Variants in SHISA5 observed in about 807,000 individuals in gnomAD.
SHISA5 encodes the protein protein shisa-5.
Under a neutral mutation model 27.5 loss-of-function variants are expected in SHISA5, and 21 were observed. The observed-to-expected ratio is 0.76, with a 90% CI of 0.54 to 1.10. SHISA5 has a LOEUF of 1.10. Ranked by LOEUF, SHISA5 falls within the 50% of genes least tolerant of loss-of-function variation. SHISA5 has a pLI of 0.00. For missense variants in SHISA5, 314 were observed against 336.3 expected, an observed-to-expected ratio of 0.93 and a Z score of 0.52; for synonymous variants, 137 against 142.2, an observed-to-expected ratio of 0.96 and a Z score of 0.26.
At chr3:48,482,692 G>C (rs1446023253) in intron 2 of SHISA5, among the ~76,000 whole-genome samples, 1 of 151,846 alleles carries the variant, frequency 6.6e-6, no homozygotes, top group Non-Finnish European at 1.5e-5. Flanking sequence ...CTGGAGTGCA[G>C]TGGTGCAATC....
Position 48,469,492 on chromosome 3 carries a change from C to G in SHISA5, c.512G>C (p.Gly171Ala), listed in dbSNP as rs2040516158. Residue 171 changes from glycine (G) to alanine (A), a missense_variant, in exon 5 of 6, where the codon GGA becomes GCA. Physicochemically the swap from Gly to Ala is moderately conservative, Grantham distance 60. Coordinates refer to ENST00000296444, the MANE Select transcript of SHISA5 (RefSeq NM_016479.6). The surrounding 1 kb of genome is among the most constrained non-coding windows in gnomAD (Gnocchi z 4.6). ...QPPSVPPSYP[G>A]PSYQGYHTMP... ...GGTGTGGTAGCCCTGGTAGCTTGGT[C>G]CAGGGTAGCTGGGCGGCACACTTGG... The G allele has an allele frequency of 6.2e-7, 1 of 1,613,762 alleles. No homozygotes were observed. Among genetic ancestry groups the G allele is most frequent in the Non-Finnish European group, 8.5e-7 (1 of 1,179,938 alleles).
chr3:48,497,410 C>T (rs2041589034), intron 2 of SHISA5, among the ~76,000 whole-genome samples: 1 of 150,542 alleles, frequency 6.6e-6, no homozygotes, highest in Admixed American at 6.6e-5. Context: ...TTACAGGCAC[C>T]CACCACCATG....
intron 2 of SHISA5, among the ~76,000 whole-genome samples, chr3:48,496,034 C>T (rs1216911235): frequency 6.8e-6 from 1 of 146,188 alleles, no homozygotes; most frequent in Non-Finnish European, 1.5e-5. Flanking sequence ...AGCCTGTAAT[C>T]CCAGCACTTT....
intron 2 of SHISA5, among the ~76,000 whole-genome samples, chr3:48,481,702 G>C (rs534537350): frequency 1.3e-5 from 2 of 151,952 alleles, no homozygotes; most frequent in South Asian, 4.2e-4. Flanking sequence ...CAGGAGAATT[G>C]TTTGAACCTG....
chr3:48,502,336 A>C, intron 1 of SHISA5: 1 of 455,916 alleles, frequency 2.2e-6, no homozygotes, highest in Non-Finnish European at 4.4e-6. Context: ...CAGCGTTCAT[A>C]AAGCACTTAG....
In SHISA5 at chr3:48,468,539, A is replaced by C; in HGVS notation, c.*568T>G. 1.7e-6 allele frequency: 2 copies of C among 1,187,486 alleles called. No individual in the cohort carries two copies. The highest frequency in any genetic ancestry group is 3.2e-5 in the South Asian group (2 of 62,828). 73.6% of individuals were successfully genotyped at this position (1,187,486 alleles called of 1,614,324 possible). ...ATGACAGGCTCCAGGGAGCAATGGGACATCTGCCCAAAGGATCAAAGTCCA... is the reference window on the plus strand; with the variant it reads ...ATGACAGGCTCCAGGGAGCAATGGGCCATCTGCCCAAAGGATCAAAGTCCA... On this transcript the variant is annotated 3_prime_UTR_variant, in exon 6 of 6. Transcript: ENST00000296444.
rs1392460371 is a variant in SHISA5 at position 48,473,416 on chromosome 3, C to A, written c.315-3573G>T. ...TCTAGCTCAGCAGCACCCCCACCCC[C>A]ACTTCCACCTAACCCACCGGCCCTG... On this transcript the variant is annotated intron_variant, in intron 3 of 5. Transcript: ENST00000296444. This position sits in a 1 kb window ranked among gnomAD's most constrained non-coding sequence, Gnocchi z 4.3. The A allele has an allele frequency of 1.5e-6, 2 of 1,310,836 alleles. No homozygotes were observed. Among genetic ancestry groups the A allele is most frequent in the South Asian group, 1.2e-5 (1 of 81,250 alleles). The allele number at this position is 1,310,836 out of a possible 1,614,324, so 81.2% of individuals were successfully genotyped here.
chr3:48,497,960 C>A (rs1344939171), intron 2 of SHISA5, among the ~76,000 whole-genome samples: 1 of 151,366 alleles, frequency 6.6e-6, no homozygotes, highest in Middle Eastern at 3.2e-3. Context: ...GATGTCTCAA[C>A]AGAAACAATG....
intron 2 of SHISA5, among the ~76,000 whole-genome samples, chr3:48,493,219 A>G: frequency 6.8e-6 from 1 of 147,278 alleles, no homozygotes; most frequent in African/African-American, 2.7e-5. Flanking sequence ...ACTTGAGCCC[A>G]GGAGGTCAGG....
intron 2 of SHISA5, among the ~76,000 whole-genome samples, chr3:48,480,251 CA>C (rs1385946958): frequency 6.8e-6 from 1 of 146,778 alleles, no homozygotes; most frequent in African/African-American, 2.5e-5. Context: ...ACAACAACAA[CA>C]AAAAACTCCT....
chr3:48,503,126 C>T (rs1240826290), intron 1 of SHISA5: 19 of 1,289,736 alleles, frequency 1.5e-5, no homozygotes, highest in Non-Finnish European at 1.9e-5. Context: ...ATGGCCCGTG[C>T]CTGGTGGCTC....
In SHISA5 at chr3:48,468,750, A is replaced by C; in HGVS notation, c.*357T>G. 1 of 1,356,016 alleles carries C rather than the reference A, an allele frequency of 7.4e-7. No homozygotes were observed. Among genetic ancestry groups the C allele is most frequent in the Non-Finnish European group, 9.7e-7 (1 of 1,032,418 alleles). The allele number at this position is 1,356,016 out of a possible 1,614,324, so 84.0% of individuals were successfully genotyped here. Reference sequence around the variant, plus strand: ...AGGCCCTACTTGGTCACCCTAGGGTAAGCTGGAGAAGAACTCCAGATGTGC... The same window carrying C: ...AGGCCCTACTTGGTCACCCTAGGGTCAGCTGGAGAAGAACTCCAGATGTGC... On this transcript the variant is annotated 3_prime_UTR_variant, in exon 6 of 6. Transcript: ENST00000296444.
Position 48,473,507 on chromosome 3 carries a change from G to A in SHISA5, c.315-3664C>T. 3 of 1,290,146 alleles carry A rather than the reference G, an allele frequency of 2.3e-6. No individual in the cohort carries two copies. The highest frequency in any genetic ancestry group is 3.0e-6 in the Non-Finnish European group (3 of 989,422). 79.9% of individuals were successfully genotyped at this position (1,290,146 alleles called of 1,614,324 possible). A position where few individuals can be genotyped will look rare whatever the true frequency, so the allele number is the denominator to read the frequency against. ...CCCAGAGGGCGACCCTGGGGCCCTG[G>A]CTGACACACATGCAAGGAGCAAAGT... On this transcript the variant is annotated intron_variant, in intron 3 of 5. Transcript: ENST00000296444. This position sits in a 1 kb window ranked among gnomAD's most constrained non-coding sequence, Gnocchi z 4.3.
At chr3:48,502,190 ACT>A in intron 1 of SHISA5, 4 of 329,308 alleles carry the variant, frequency 1.2e-5, no homozygotes, top group Non-Finnish European at 2.5e-5. Flanking sequence ...ATCCTCGTTC[ACT>A]CTCTCCCTCA....
Position 48,473,205 on chromosome 3 carries a change from G to A in SHISA5, c.315-3362C>T, listed in dbSNP as rs1575305975. Reference sequence around the variant, plus strand: ...CCTCTTAAAGACACAGGATGGCCCCGCCCAGCAGCCGGCTAGCAGCCAAGG... The same window carrying A: ...CCTCTTAAAGACACAGGATGGCCCCACCCAGCAGCCGGCTAGCAGCCAAGG... On this transcript the variant is annotated intron_variant, in intron 3 of 5. Transcript: ENST00000296444. The surrounding 1 kb of genome is among the most constrained non-coding windows in gnomAD (Gnocchi z 4.3). 7.0e-6 allele frequency: 10 copies of A among 1,426,694 alleles called. No individual in the cohort carries two copies. Among genetic ancestry groups the A allele is most frequent in the South Asian group, 4.5e-5 (3 of 67,234 alleles). The allele number at this position is 1,426,694 out of a possible 1,614,324, so 88.4% of individuals were successfully genotyped here.
At position 48,473,069 on chromosome 3, in the gene SHISA5, C is replaced by T. The variant is rs2040698190; in HGVS notation, c.315-3226G>A. 1 of 1,518,834 alleles carries T rather than the reference C, an allele frequency of 6.6e-7. No individual in the cohort carries two copies. The allele number at this position is 1,518,834 out of a possible 1,614,324, so 94.1% of individuals were successfully genotyped here. On this transcript the variant is annotated intron_variant, in intron 3 of 5. Coordinates refer to ENST00000296444, the MANE Select transcript of SHISA5 (RefSeq NM_016479.6). This position sits in a 1 kb window ranked among gnomAD's most constrained non-coding sequence, Gnocchi z 4.3. Reference sequence around the variant, plus strand: ...CTGTACCCCTGGGCTTTCCCCTCTTCCCATCGTGGGCCACTCAGTTTCAAT... The same window carrying T: ...CTGTACCCCTGGGCTTTCCCCTCTTTCCATCGTGGGCCACTCAGTTTCAAT...
At chr3:48,472,048 T>C (rs893252288) in intron 3 of SHISA5, among the ~76,000 whole-genome samples, 2 of 151,444 alleles carry the variant, frequency 1.3e-5, no homozygotes, top group Non-Finnish European at 2.9e-5. Flanking sequence ...CAGGGCGTAG[T>C]GGCGCAAAAC....
intron 2 of SHISA5, among the ~76,000 whole-genome samples, chr3:48,485,854 C>A (rs868665625): frequency 1.3e-5 from 2 of 151,224 alleles, no homozygotes; most frequent in Non-Finnish European, 2.9e-5. Context: ...AGAGGCTGAG[C>A]AGCACTTCTG....
intron 1 of SHISA5, among the ~76,000 whole-genome samples, chr3:48,502,007 C>T (rs1452643617): frequency 6.6e-6 from 1 of 152,108 alleles, no homozygotes; most frequent in African/African-American, 2.4e-5. Flanking sequence ...ATTACAGGTG[C>T]CTGCCACCAG....
Sources: gnomAD v4.1 joint callset for allele counts (sites outside exome capture counted in the v4.1 genomes callset) on GRCh38, gnomAD v4.1.1 for gene constraint, Gnocchi (gnomAD v3.1) non-coding constraint, MANE v1.5 for transcripts, NCBI Gene and HGNC (gene_info 2026-07-23, HGNC 2026-07-21) for gene names.